Variants in ROBO1 observed in about 807,000 individuals in gnomAD.
The protein encoded by ROBO1 is roundabout guidance receptor 1, also known as roundabout homolog 1.
Under a neutral mutation model 195.9 loss-of-function variants are expected in ROBO1, and 149 were observed. The observed-to-expected ratio is 0.76, with a 90% CI of 0.67 to 0.87. ROBO1 has a LOEUF of 0.87. ROBO1 is among the 40% of genes least tolerant of loss of function. ROBO1 has a pLI of 0.00. For missense variants in ROBO1, 1,933 were observed against 2,068.3 expected, an observed-to-expected ratio of 0.93 and a Z score of 1.27; for synonymous variants, 816 against 733.2, an observed-to-expected ratio of 1.11 and a Z score of -1.82.
At chr3:78,897,082 G>C (rs1276612786) in intron 4 of ROBO1, among the ~76,000 whole-genome samples, 1 of 152,156 alleles carries the variant, frequency 6.6e-6, no homozygotes, top group Non-Finnish European at 1.5e-5. Flanking sequence ...TCTCTCTATA[G>C]CTATGTTTCT....
intron 2 of ROBO1, among the ~76,000 whole-genome samples, chr3:79,273,121 A>C (rs902872429): frequency 1.1e-4 from 16 of 152,154 alleles, no homozygotes; most frequent in African/African-American, 3.6e-4. Context: ...GAAGCTCTTC[A>C]ATCTAAAAGA....
intron 2 of ROBO1, among the ~76,000 whole-genome samples, chr3:79,310,468 C>CT (rs2033431959): frequency 6.6e-6 from 1 of 152,152 alleles, no homozygotes; most frequent in African/African-American, 2.4e-5. Flanking sequence ...TCAGGGACTA[C>CT]TTCTTGAAGT....
intron 4 of ROBO1, among the ~76,000 whole-genome samples, chr3:78,863,824 C>T (rs930513265): frequency 6.6e-6 from 1 of 152,156 alleles, no homozygotes; most frequent in African/African-American, 2.4e-5. Flanking sequence ...GGGAGAGTCC[C>T]TCCACCGTCA....
chr3:79,006,300 TG>T (rs2077619445), intron 3 of ROBO1, among the ~76,000 whole-genome samples: 2 of 152,184 alleles, frequency 1.3e-5, no homozygotes, highest in Non-Finnish European at 2.9e-5. Context: ...TAAGCCATTA[TG>T]TAAACATTTA....
intron 1 of ROBO1, among the ~76,000 whole-genome samples, chr3:79,756,574 G>A (rs1026524017): frequency 8.6e-5 from 12 of 138,792 alleles, no homozygotes; most frequent in African/African-American, 3.4e-4. Context: ...AAAAAAAAAA[G>A]TAGAGATATT....
intron 1 of ROBO1, among the ~76,000 whole-genome samples, chr3:79,746,297 T>C (rs917499408): frequency 6.6e-6 from 1 of 152,066 alleles, no homozygotes; most frequent in African/African-American, 2.4e-5. Context: ...TATAAAAATC[T>C]ACATTAATTT....
At chr3:79,012,137 A>T (rs1425240879) in intron 3 of ROBO1, among the ~76,000 whole-genome samples, 3 of 152,214 alleles carry the variant, frequency 2.0e-5, no homozygotes, top group Admixed American at 1.3e-4. Flanking sequence ...GAAGTAGCTT[A>T]AAAATGTTTT....
chr3:78,881,823 T>A (rs767606453), intron 4 of ROBO1, among the ~76,000 whole-genome samples: 3 of 152,198 alleles, frequency 2.0e-5, no homozygotes, highest in Non-Finnish European at 4.4e-5. Context: ...TCCAATAAGA[T>A]CAGAGTTATT....
intron 4 of ROBO1, among the ~76,000 whole-genome samples, chr3:78,862,085 C>A (rs1374365294): frequency 6.6e-6 from 1 of 152,032 alleles, no homozygotes; most frequent in Non-Finnish European, 1.5e-5. Context: ...GAAGAGTGGG[C>A]TAGATTATCT....
chr3:78,869,217 T>C (rs1559944059), intron 4 of ROBO1, among the ~76,000 whole-genome samples: 1 of 152,160 alleles, frequency 6.6e-6, no homozygotes, highest in Non-Finnish European at 1.5e-5. Context: ...AAATTTGAAT[T>C]CATCTGCCTC....
At chr3:79,217,074 A>G (rs567478961) in intron 2 of ROBO1, among the ~76,000 whole-genome samples, 1 of 152,194 alleles carries the variant, frequency 6.6e-6, no homozygotes, top group East Asian at 1.9e-4. Context: ...CATTCTCTTC[A>G]TTACCACTCT....
chr3:78,820,961 T>C (rs1232432504), intron 4 of ROBO1, among the ~76,000 whole-genome samples: 1 of 152,202 alleles, frequency 6.6e-6, no homozygotes, highest in Non-Finnish European at 1.5e-5. Context: ...ATTTAAAATG[T>C]TTCTAATTAC....
intron 3 of ROBO1, among the ~76,000 whole-genome samples, chr3:79,058,440 A>T (rs1357218971): frequency 2.6e-5 from 4 of 151,986 alleles, no homozygotes; most frequent in Admixed American, 6.6e-5. Flanking sequence ...AGCCCAGAAC[A>T]CCCAGAACTT....
chr3:78,645,425 C>A (rs1706216983), intron 21 of ROBO1, among the ~76,000 whole-genome samples: 2 of 143,424 alleles, frequency 1.4e-5, no homozygotes, highest in Admixed American at 7.1e-5. Context: ...TTTTTTTACA[C>A]TGTAAGCTAG....
At chr3:78,605,532 C>T (rs573410988) in intron 29 of ROBO1, among the ~76,000 whole-genome samples, 92 of 152,234 alleles carry the variant, frequency 6.0e-4, no homozygotes, top group Middle Eastern at 3.4e-3. Flanking sequence ...AAATAGTTAC[C>T]GGCATTATCT....
At chr3:79,094,889 C>T (rs2079540276) in intron 3 of ROBO1, among the ~76,000 whole-genome samples, 1 of 143,144 alleles carries the variant, frequency 7.0e-6, no homozygotes, top group African/African-American at 2.6e-5. Context: ...CCTTCCTTCC[C>T]CTCACCCTTC....
At chr3:79,163,115 T>G (rs939508448) in intron 2 of ROBO1, among the ~76,000 whole-genome samples, 2 of 152,010 alleles carry the variant, frequency 1.3e-5, no homozygotes, top group Non-Finnish European at 2.9e-5. Context: ...GATCATCCAA[T>G]CCACAAAACT....
chr3:79,316,588 G>A (rs1377289533), intron 2 of ROBO1, among the ~76,000 whole-genome samples: 1 of 152,060 alleles, frequency 6.6e-6, no homozygotes, highest in Non-Finnish European at 1.5e-5. Flanking sequence ...TATGTTCTTA[G>A]AGATAAAGTC....
Position 78,606,727 on chromosome 3 carries a change from G to A in ROBO1, c.4744+6C>T, listed in dbSNP as rs115569493. ...GTATTTATTTGCTGCTTGATTGGATGAGTACCTTGGATGAGATGAGTCTTT... is the reference window on the plus strand; with the variant it reads ...GTATTTATTTGCTGCTTGATTGGATAAGTACCTTGGATGAGATGAGTCTTT... On this transcript the variant is annotated splice_donor_region_variant and intron_variant, in intron 29 of 30. Coordinates refer to ENST00000464233, the MANE Select transcript of ROBO1 (RefSeq NM_002941.4). 881 of 1,612,482 alleles carry A rather than the reference G, an allele frequency of 5.5e-4. 7 individuals carry two copies. The African/African-American group carries it at 8.1e-3, about 15-fold the overall frequency.
Sources: gnomAD v4.1 joint callset for allele counts (sites outside exome capture counted in the v4.1 genomes callset) on GRCh38, gnomAD v4.1.1 for gene constraint, MANE v1.5 for transcripts, NCBI Gene and HGNC (gene_info 2026-07-23, HGNC 2026-07-21) for gene names.